HIBCH: variants seen among roughly 807,000 people sequenced by gnomAD.
HIBCH encodes 3-hydroxyisobutyryl-CoA hydrolase.
In HIBCH, 50 loss-of-function variants were observed where a neutral mutation model predicts 58.2. That is an observed-to-expected ratio of 0.86 (90% CI 0.68 to 1.09). HIBCH has a LOEUF of 1.09. Among genes scored for constraint, HIBCH ranks in the 50% least tolerant of loss-of-function variants. The probability of loss-of-function intolerance (pLI) is 0.00; values close to 1 mark genes in which losing one functional copy is unlikely to be tolerated. For synonymous variants in HIBCH, 151 were observed against 146.9 expected, an observed-to-expected ratio of 1.03 and a Z score of -0.20; for missense variants, 450 against 449.7, an observed-to-expected ratio of 1.00 and a Z score of -0.01.
chr2:190,307,186 A>C (rs1392504964), intron 2 of HIBCH, among the ~76,000 whole-genome samples: 1 of 152,198 alleles, frequency 6.6e-6, no homozygotes, highest in African/African-American at 2.4e-5. Flanking sequence ...CACCATCTGG[A>C]CATCATAATA....
chr2:190,294,447 AAAAGT>A, intron 4 of HIBCH, 94 bp downstream of exon 4: 1 of 852,482 alleles, frequency 1.2e-6, no homozygotes, highest in Non-Finnish European at 1.9e-6. Context: ...AAAAGTTCTA[AAAAGT>A]AAAGCAAATT....
intron 6 of HIBCH, among the ~76,000 whole-genome samples, chr2:190,276,537 C>G (rs1165901387): frequency 2.6e-5 from 4 of 152,140 alleles, no homozygotes; most frequent in Admixed American, 1.3e-4. Context: ...CCCACAGTAA[C>G]GAATAAGTTC....
At chr2:190,310,371 A>G (rs968712359) in intron 2 of HIBCH, among the ~76,000 whole-genome samples, 4 of 152,218 alleles carry the variant, frequency 2.6e-5, no homozygotes, top group African/African-American at 9.6e-5. Context: ...CATATGTCCT[A>G]TAAGTTCTGT....
rs1451887138 is a variant in HIBCH at position 190,214,708 on chromosome 2, A to C, written c.892-1633T>G. 2.6e-5 allele frequency: 4 copies of C among 152,226 alleles called. No individual in the cohort carries two copies. The highest frequency in any genetic ancestry group is 4.4e-5 in the Non-Finnish European group (3 of 68,098). 9.4% of individuals were successfully genotyped at this position (152,226 alleles called of 1,614,324 possible). Reference sequence around the variant, plus strand: ...AACCCCATGTTCCCCCTTAAAGAGGAAGAGCACAGTAAAGAGCCCTCACCC... The same window carrying C: ...AACCCCATGTTCCCCCTTAAAGAGGCAGAGCACAGTAAAGAGCCCTCACCC... On this transcript the variant is annotated intron_variant, in intron 11 of 13. Coordinates refer to ENST00000359678, the MANE Select transcript of HIBCH (RefSeq NM_014362.4). The surrounding 1 kb of genome is among the most constrained non-coding windows in gnomAD (Gnocchi z 5.5).
rs928027878 is a variant in HIBCH at position 190,204,073 on chromosome 2, A to T, written c.*1044T>A. 2 of 152,152 alleles carry T rather than the reference A, an allele frequency of 1.3e-5. No individual in the cohort carries two copies. The highest frequency in any genetic ancestry group is 4.8e-5 in the African/African-American group (2 of 41,474). The allele number at this position is 152,152 out of a possible 1,614,324, so 9.4% of individuals were successfully genotyped here. The stretch of plus-strand genomic sequence containing the variant: ...AATTTTGTTTACTTTGTTAATTTAT[A>T]AACTTACCTTTAGTTTAAAAATTAT... On this transcript the variant is annotated 3_prime_UTR_variant, in exon 14 of 14. Coordinates refer to ENST00000359678, the MANE Select transcript of HIBCH (RefSeq NM_014362.4).
chr2:190,280,380 C>G (rs553055339), intron 6 of HIBCH, among the ~76,000 whole-genome samples: 13 of 152,102 alleles, frequency 8.5e-5, no homozygotes, highest in Non-Finnish European at 1.3e-4. Flanking sequence ...AGAGCTCCCC[C>G]ACACCCAGAA....
In HIBCH at chr2:190,290,463, T is replaced by C. The variant is rs748882052; in HGVS notation, c.327A>G (p.Ala109=). ...DIRVISEAEK[A]KQKIAPVFFR... is the part of the protein sequence containing the mutation. ...AGAAAACTGGAGCTATCTTCTGTTT[T>C]GCCTTTTCAGCTTCCGAGATCACTA... The change falls in exon 5 of 14, where the codon GCA becomes GCG. Residue 109 remains alanine (A), a synonymous_variant. Coordinates refer to ENST00000359678, the MANE Select transcript of HIBCH (RefSeq NM_014362.4). 4.3e-6 allele frequency: 7 copies of C among 1,611,698 alleles called. No homozygotes were observed. The highest frequency in any genetic ancestry group is 2.7e-5 in the African/African-American group (2 of 74,844).
intron 10 of HIBCH, chr2:190,245,182 A>AT (rs1343945076): frequency 9.7e-6 from 5 of 515,844 alleles, no homozygotes; most frequent in Non-Finnish European, 1.4e-5. Flanking sequence ...TCTAAATTTT[A>AT]TTTTTTCTTT....
Position 190,207,689 on chromosome 2 carries a change from T to C in HIBCH, c.1045+1191A>G, listed in dbSNP as rs1690424070. On this transcript the variant is annotated intron_variant, in intron 13 of 13. Transcript: ENST00000359678. This position sits in a 1 kb window ranked among gnomAD's most constrained non-coding sequence, Gnocchi z 4.5. ...TAATATCAGGAGTTCAAGACCAGCC[T>C]GGCCAACATGGTGAAACCCCGTTTC... Among the ~76,000 whole-genome samples the C allele has an allele frequency of 1.3e-5, 2 of 152,180 alleles. No individual in the cohort carries two copies. Among genetic ancestry groups the C allele is most frequent in the South Asian group, 2.1e-4 (1 of 4,832 alleles).
chr2:190,311,205 C>G (rs752123315), intron 1 of HIBCH, among the ~76,000 whole-genome samples: 1 of 152,120 alleles, frequency 6.6e-6, no homozygotes, highest in Non-Finnish European at 1.5e-5. Context: ...ACTCTCATTT[C>G]AACTGTATGA....
At chr2:190,235,033 C>G (rs538781186) in intron 11 of HIBCH, among the ~76,000 whole-genome samples, 1 of 152,002 alleles carries the variant, frequency 6.6e-6, no homozygotes, top group Non-Finnish European at 1.5e-5. Flanking sequence ...ACTGTCATTA[C>G]GAGACTGAGT....
intron 1 of HIBCH, among the ~76,000 whole-genome samples, chr2:190,195,230 G>A (rs923170576): frequency 1.3e-5 from 2 of 152,134 alleles, no homozygotes; most frequent in African/African-American, 4.8e-5. Context: ...TCACCAAGAA[G>A]GACATCTTGC....
rs772966095 is a variant in HIBCH at position 190,310,779 on chromosome 2, C to G, written c.53G>C (p.Arg18Thr). ...CAAATGGTGCAGTATGGTATTAGTC[C>G]TTTTGAATGCATTAAACCTGAAACA... is the stretch of plus-strand genomic sequence containing the variant. ...RLMSRFNAFK[R>T]TNTILHHLRM... The change falls in exon 2 of 14, where the codon AGG becomes ACG. Residue 18 changes from arginine to threonine, a missense_variant. Arg to Thr is a moderately conservative substitution (Grantham distance 71, BLOSUM62 -1). Transcript: ENST00000359678. 2 of 1,609,806 alleles carry G rather than the reference C, an allele frequency of 1.2e-6. No individual in the cohort carries two copies. Among genetic ancestry groups the G allele is most frequent in the East Asian group, 2.2e-5 (1 of 44,840 alleles).
In HIBCH at chr2:190,217,752, G is replaced by GTT; in HGVS notation, c.892-4678_892-4677insAA. Among the ~76,000 whole-genome samples the GTT allele has an allele frequency of 6.6e-6, 1 of 152,236 alleles. No homozygotes were observed. Among genetic ancestry groups the GTT allele is most frequent in the Admixed American group, 6.5e-5 (1 of 15,294 alleles). ...TGCTCCACCCAAGCTGGGAAAGTCC[G>GTT]TAACAAGTGCTCCTAATCACTAAAA... On this transcript the variant is annotated intron_variant, in intron 11 of 13. Coordinates refer to ENST00000359678, the MANE Select transcript of HIBCH (RefSeq NM_014362.4). The surrounding 1 kb of genome is among the most constrained non-coding windows in gnomAD (Gnocchi z 4.6).
chr2:190,287,558 C>T (rs531887138), intron 6 of HIBCH, 28 bp downstream of exon 6: 25 of 1,434,786 alleles, frequency 1.7e-5, no homozygotes, highest in Non-Finnish European at 1.1e-5. Flanking sequence ...CTCACTCATA[C>T]AATGATCAGA....
intron 11 of HIBCH, among the ~76,000 whole-genome samples, chr2:190,219,908 G>C (rs571906157): frequency 1.3e-5 from 2 of 152,314 alleles, no homozygotes; most frequent in Admixed American, 1.3e-4. Context: ...AGAAGATGAA[G>C]GAGTAGAAAT....
At chr2:190,261,043 A>G (rs1048919301) in intron 7 of HIBCH, 113 bp downstream of exon 7, 7 of 786,356 alleles carry the variant, frequency 8.9e-6, no homozygotes, top group Non-Finnish European at 1.5e-5. Context: ...AAATCCTTTC[A>G]TTGTTGCATC....
At chr2:190,240,049 C>A (rs551911987) in intron 11 of HIBCH, among the ~76,000 whole-genome samples, 1 of 152,180 alleles carries the variant, frequency 6.6e-6, no homozygotes, top group South Asian at 2.1e-4. Context: ...TTTTTGTATT[C>A]TTTGGAATAT....
At chr2:190,239,900 T>G (rs1396704184) in intron 11 of HIBCH, among the ~76,000 whole-genome samples, 1 of 152,186 alleles carries the variant, frequency 6.6e-6, no homozygotes, top group African/African-American at 2.4e-5. Flanking sequence ...TCTGCCCGCT[T>G]CGGCCTCCCA....
Sources: gnomAD v4.1 joint callset for allele counts (sites outside exome capture counted in the v4.1 genomes callset) on GRCh38, gnomAD v4.1.1 for gene constraint, Gnocchi (gnomAD v3.1) non-coding constraint, MANE v1.5 for transcripts, NCBI Gene and HGNC (gene_info 2026-07-23, HGNC 2026-07-21) for gene names.